NUBP1: variants seen among roughly 807,000 people sequenced by gnomAD.
NUBP1 encodes the protein cytosolic Fe-S cluster assembly factor NUBP1.
Under a neutral mutation model 41.8 loss-of-function variants are expected in NUBP1, and 46 were observed. The observed-to-expected ratio is 1.10, with a 90% CI of 0.87 to 1.41. The LOEUF is 1.41. Among genes scored for constraint, NUBP1 ranks in the 40% most tolerant of loss-of-function variants. The pLI is 0.00. For synonymous variants in NUBP1, 189 were observed against 154.6 expected, an observed-to-expected ratio of 1.22 and a Z score of -1.65; for missense variants, 494 against 414.0, an observed-to-expected ratio of 1.19 and a Z score of -1.68.
At position 10,749,888 on chromosome 16, in the gene NUBP1, G is replaced by T. The variant is rs192173059; in HGVS notation, c.258+2612G>T. Among the ~76,000 whole-genome samples, 1 of 152,334 alleles carries T rather than the reference G, an allele frequency of 6.6e-6. No homozygotes were observed. Among genetic ancestry groups the T allele is most frequent in the East Asian group, 1.9e-4 (1 of 5,186 alleles). On this transcript the variant is annotated intron_variant, in intron 3 of 10. Transcript: ENST00000283027. The surrounding 1 kb of genome is among the most constrained non-coding windows in gnomAD (Gnocchi z 4.1). ...ACGAGTCACAGGCTGCCCAGGGAGTGTGTAAGTTGTGGTGAAGGCAGAAGG... is the reference window on the plus strand; with the variant it reads ...ACGAGTCACAGGCTGCCCAGGGAGTTTGTAAGTTGTGGTGAAGGCAGAAGG...
intron 3 of NUBP1, 24 bp from the exon 4 acceptor site, chr16:10,752,586 G>T (rs542294799): frequency 6.2e-7 from 1 of 1,604,636 alleles, no homozygotes; most frequent in South Asian, 1.1e-5. Flanking sequence ...TTATATAACC[G>T]CTTTGGTCTC....
chr16:10,743,919 A>G (rs766616011), intron 1 of NUBP1, 37 bp downstream of exon 1: 60 of 1,578,972 alleles, frequency 3.8e-5, no homozygotes, highest in Non-Finnish European at 5.0e-5. Context: ...GCGGGGCGAA[A>G]GTGTCGGGAG....
At chr16:10,762,479 G>A (rs987639419) in intron 9 of NUBP1, among the ~76,000 whole-genome samples, 2 of 152,220 alleles carry the variant, frequency 1.3e-5, no homozygotes, top group Non-Finnish European at 2.9e-5. Flanking sequence ...GCGCCCACTC[G>A]CCGCGGGGCG....
chr16:10,761,060 A>T, intron 7 of NUBP1: 1 of 282,132 alleles, frequency 3.5e-6, no homozygotes, highest in Non-Finnish European at 6.9e-6. Flanking sequence ...AGGAACTGTC[A>T]AACACTTACA....
chr16:10,762,959 A>T (rs889548455), intron 9 of NUBP1, among the ~76,000 whole-genome samples: 4 of 152,024 alleles, frequency 2.6e-5, no homozygotes, highest in Non-Finnish European at 4.4e-5. Context: ...CAGGAGGCTC[A>T]GGAGTGGCTG....
intron 3 of NUBP1, among the ~76,000 whole-genome samples, chr16:10,748,789 G>T (rs916541040): frequency 5.3e-5 from 8 of 152,106 alleles, no homozygotes; most frequent in African/African-American, 1.9e-4. Flanking sequence ...GTACTGGGCA[G>T]ATTCAAAATA....
chr16:10,753,194 T>G (rs972539413), intron 4 of NUBP1, among the ~76,000 whole-genome samples: 3 of 152,090 alleles, frequency 2.0e-5, no homozygotes, highest in African/African-American at 2.4e-5. Context: ...GGGGCGGGAT[T>G]GTATATGAAG....
chr16:10,768,908 C>A lies in NUBP1; in HGVS notation c.905-139C>A. 1 of 706,826 alleles carries A rather than the reference C, an allele frequency of 1.4e-6. No homozygotes were observed. Among genetic ancestry groups the A allele is most frequent in the Non-Finnish European group, 2.5e-6 (1 of 403,704 alleles). The allele number at this position is 706,826 out of a possible 1,614,324, so 43.8% of individuals were successfully genotyped here. A position where few individuals can be genotyped will look rare whatever the true frequency, so the allele number is the denominator to read the frequency against. On this transcript the variant is annotated intron_variant, in intron 10 of 10. Coordinates refer to ENST00000283027, the MANE Select transcript of NUBP1 (RefSeq NM_002484.4). This position sits in a 1 kb window ranked among gnomAD's most constrained non-coding sequence, Gnocchi z 4.3. ...TCCGGTCACTTTCAAAGACTCAGGG[C>A]ATCACAGACACAGGTCTTTTTATGG...
chr16:10,751,860 G>A (rs1900335057), intron 3 of NUBP1, among the ~76,000 whole-genome samples: 1 of 152,240 alleles, frequency 6.6e-6, no homozygotes, highest in East Asian at 1.9e-4. Flanking sequence ...TCCACAGCAG[G>A]CCCGTGGTGT....
rs370544717 is a variant in NUBP1 at position 10,744,086 on chromosome 16, C to T, written c.124+21C>T. ...CACGGGTGAGAAAAGGGCAAGGCCT[C>T]AACAGGAACTTAGAGGCGCAGGCCC... On this transcript the variant is annotated intron_variant, in intron 2 of 10. Transcript: ENST00000283027. 16 of 1,408,276 alleles carry T rather than the reference C, an allele frequency of 1.1e-5. No individual in the cohort carries two copies. In the Admixed American group the frequency reaches 1.5e-4, roughly 13 times the overall value. 87.2% of individuals were successfully genotyped at this position (1,408,276 alleles called of 1,614,324 possible).
In NUBP1 at chr16:10,767,752, G is replaced by A. The variant is rs910944367; in HGVS notation, c.821-197G>A. 9.7e-5 allele frequency: 57 copies of A among 588,100 alleles called. No individual in the cohort carries two copies. The highest frequency in any genetic ancestry group is 4.9e-4 in the African/African-American group (26 of 53,520). The allele number at this position is 588,100 out of a possible 1,614,324, so 36.4% of individuals were successfully genotyped here. ...GTACACCACCTGATTATTTAGCCAC[G>A]CTGAAATGCTGGCTGGGGACCCTGC... On this transcript the variant is annotated intron_variant, in intron 9 of 10. Transcript: ENST00000283027. The surrounding 1 kb of genome is among the most constrained non-coding windows in gnomAD (Gnocchi z 4.6).
At position 10,767,017 on chromosome 16, in the gene NUBP1, C is replaced by T; in HGVS notation, c.821-932C>T. The stretch of plus-strand genomic sequence containing the variant: ...AGGCTTCTTCCCCGACTTGGACTTC[C>T]CTGTCCCACAGGGCGACACAGTAGT... On this transcript the variant is annotated intron_variant, in intron 9 of 10. Coordinates refer to ENST00000283027, the MANE Select transcript of NUBP1 (RefSeq NM_002484.4). This position sits in a 1 kb window ranked among gnomAD's most constrained non-coding sequence, Gnocchi z 4.6. 1 of 398,758 alleles carries T rather than the reference C, an allele frequency of 2.5e-6. No homozygotes were observed. Among genetic ancestry groups the T allele is most frequent in the Non-Finnish European group, 4.4e-6 (1 of 226,182 alleles). 24.7% of individuals were successfully genotyped at this position (398,758 alleles called of 1,614,324 possible).
At position 10,768,256 on chromosome 16, in the gene NUBP1, G is replaced by A; in HGVS notation, c.904+224G>A. 7.7e-6 allele frequency: 3 copies of A among 389,698 alleles called. No individual in the cohort carries two copies. The highest frequency in any genetic ancestry group is 9.2e-6 in the Non-Finnish European group (2 of 217,216). The allele number at this position is 389,698 out of a possible 1,614,324, so 24.1% of individuals were successfully genotyped here. On this transcript the variant is annotated intron_variant, in intron 10 of 10. Transcript: ENST00000283027. The surrounding 1 kb of genome is among the most constrained non-coding windows in gnomAD (Gnocchi z 4.3). ...TGGTGAGGGTGAAATTTATGGCTTA[G>A]GAAATACATCCCAATAAAGGGATAA...
intron 9 of NUBP1, among the ~76,000 whole-genome samples, chr16:10,762,904 A>AT (rs1476814609): frequency 1.3e-5 from 2 of 148,612 alleles, no homozygotes; most frequent in Admixed American, 1.3e-4. Flanking sequence ...CATGGGGAGA[A>AT]TGGGAGCCTG....
intron 9 of NUBP1, among the ~76,000 whole-genome samples, chr16:10,762,679 G>C (rs2030146699): frequency 1.3e-5 from 2 of 152,172 alleles, no homozygotes; most frequent in Admixed American, 1.3e-4. Context: ...AGGAGTGCCG[G>C]CTGCACCCAT....
At chr16:10,762,309 G>A (rs1028848311) in intron 9 of NUBP1, among the ~76,000 whole-genome samples, 3 of 152,182 alleles carry the variant, frequency 2.0e-5, no homozygotes, top group Admixed American at 6.5e-5. Context: ...GGGACAGACC[G>A]GAACGCGGAT....
chr16:10,761,342 A>G, intron 7 of NUBP1, 22 bp from the exon 8 acceptor site: 1 of 1,608,062 alleles, frequency 6.2e-7, no homozygotes, highest in African/African-American at 1.3e-5. Flanking sequence ...TGCTGGAATC[A>G]CTGGTCTTTT....
rs1373553750 is a variant in NUBP1 at position 10,757,832 on chromosome 16, G to C, written c.452-41G>C. Reference sequence around the variant, plus strand: ...AAGAGGGAGTTGAAAGTACAGAAAAGAAAGGAAAAGTAAGCATCCCCTGTG... The same window carrying C: ...AAGAGGGAGTTGAAAGTACAGAAAACAAAGGAAAAGTAAGCATCCCCTGTG... On this transcript the variant is annotated intron_variant, in intron 6 of 10. Coordinates refer to ENST00000283027, the MANE Select transcript of NUBP1 (RefSeq NM_002484.4). The surrounding 1 kb of genome is among the most constrained non-coding windows in gnomAD (Gnocchi z 4.1). 16 of 1,595,016 alleles carry C rather than the reference G, an allele frequency of 1.0e-5. No homozygotes were observed. The highest frequency in any genetic ancestry group is 1.4e-5 in the Non-Finnish European group (16 of 1,165,892).
Position 10,744,297 on chromosome 16 carries a change from A to C in NUBP1, c.124+232A>C, listed in dbSNP as rs143872227. 4.9e-4 allele frequency among the ~76,000 whole-genome samples: 75 copies of C among 152,260 alleles called. 2 individuals carry two copies. The East Asian group carries it at 0.014, about 28-fold the overall frequency. On this transcript the variant is annotated intron_variant, in intron 2 of 10. Transcript: ENST00000283027. Reference sequence around the variant, plus strand: ...GGCCTTTAGAAGGCGAGCGCGAAGGACCTGGCGCGGATGGAGGGTGGAGAC... The same window carrying C: ...GGCCTTTAGAAGGCGAGCGCGAAGGCCCTGGCGCGGATGGAGGGTGGAGAC...
Sources: gnomAD v4.1 joint callset for allele counts (sites outside exome capture counted in the v4.1 genomes callset) on GRCh38, gnomAD v4.1.1 for gene constraint, Gnocchi (gnomAD v3.1) non-coding constraint, MANE v1.5 for transcripts, NCBI Gene and HGNC (gene_info 2026-07-23, HGNC 2026-07-21) for gene names.